S100Z: variants seen among roughly 807,000 people sequenced by gnomAD.
The protein encoded by S100Z is protein S100-Z.
S100Z carries 11 observed loss-of-function variants against 8.5 expected under a neutral mutation model. The observed-to-expected ratio is 1.30, with a 90% CI of 0.82 to 2.15. The LOEUF is 2.15. S100Z is among the 30% of genes most tolerant of loss of function. S100Z has a pLI of 0.00. For synonymous variants in S100Z, 34 were observed against 43.8 expected (o/e 0.78, Z 0.89); for missense variants, 126 against 117.9 (o/e 1.07, Z -0.32).
the S100Z span, among the ~76,000 whole-genome samples, chr5:76,936,465 T>G: frequency 6.6e-6 from 1 of 152,144 alleles, no homozygotes; most frequent in African/African-American, 2.4e-5. Flanking sequence ...TTCTTTTTTA[T>G]TTATATTTTA....
intron 4 of S100Z, among the ~76,000 whole-genome samples, chr5:76,889,318 T>A (rs1056106119): frequency 6.6e-6 from 1 of 152,246 alleles, no homozygotes; most frequent in Non-Finnish European, 1.5e-5. Flanking sequence ...AGCCCTGGTG[T>A]TCGTCCGCTC....
chr5:76,902,654 G>A (rs1434708129), intron 4 of S100Z, among the ~76,000 whole-genome samples: 1 of 148,166 alleles, frequency 6.7e-6, no homozygotes, highest in African/African-American at 2.5e-5. Flanking sequence ...TTTTGTTGTT[G>A]TTTGTTTTTT....
chr5:76,943,013 T>G, the S100Z span, among the ~76,000 whole-genome samples: 1 of 152,210 alleles, frequency 6.6e-6, no homozygotes, highest in Non-Finnish European at 1.5e-5. Flanking sequence ...GGGTGGTTCT[T>G]TTTTTTATTA....
At chr5:76,943,532 T>G in the S100Z span, among the ~76,000 whole-genome samples, 1 of 152,194 alleles carries the variant, frequency 6.6e-6, no homozygotes, top group Admixed American at 6.5e-5. Flanking sequence ...ATGTCTTCCT[T>G]TGCCCCTCCT....
chr5:76,855,965 G>A (rs1472192847), intron 1 of S100Z, among the ~76,000 whole-genome samples: 3 of 152,162 alleles, frequency 2.0e-5, no homozygotes, highest in Non-Finnish European at 4.4e-5. Context: ...CCAAGGTGCT[G>A]TTCTCATGAA....
intron 4 of S100Z, among the ~76,000 whole-genome samples, chr5:76,916,286 G>A (rs1163480779): frequency 6.6e-6 from 1 of 151,896 alleles, no homozygotes; most frequent in Non-Finnish European, 1.5e-5. Context: ...TACAAAATAT[G>A]TAAAGCAAAA....
At chr5:76,891,162 C>T (rs1053848950) in intron 4 of S100Z, among the ~76,000 whole-genome samples, 2 of 152,186 alleles carry the variant, frequency 1.3e-5, no homozygotes, top group African/African-American at 4.8e-5. Flanking sequence ...CATGCCCGGC[C>T]CCCAGTTTCT....
intron 4 of S100Z, among the ~76,000 whole-genome samples, chr5:76,881,928 GT>G (rs773404739): frequency 6.6e-5 from 10 of 152,316 alleles, no homozygotes; most frequent in Non-Finnish European, 1.0e-4. Context: ...CTTGAGAAGA[GT>G]TTTTATTAAA....
At chr5:76,941,676 G>C in the S100Z span, among the ~76,000 whole-genome samples, 1 of 152,054 alleles carries the variant, frequency 6.6e-6, no homozygotes, top group African/African-American at 2.4e-5. Flanking sequence ...TGTTTGTCAG[G>C]CTTCTCCACT....
chr5:76,881,130 A>G (rs1394616848), intron 4 of S100Z, among the ~76,000 whole-genome samples: 1 of 152,228 alleles, frequency 6.6e-6, no homozygotes, highest in Admixed American at 6.5e-5. Flanking sequence ...AAGAACTTCT[A>G]TCCACTTAAA....
intron 1 of S100Z, among the ~76,000 whole-genome samples, chr5:76,867,624 C>T (rs1029868443): frequency 1.3e-5 from 2 of 148,274 alleles, no homozygotes; most frequent in South Asian, 2.1e-4. Flanking sequence ...TGGGGTCTCA[C>T]TCTGTCTCCC....
chr5:76,888,367 ATTTTT>A (rs1171043164), intron 4 of S100Z, among the ~76,000 whole-genome samples: 2 of 45,422 alleles, frequency 4.4e-5, no homozygotes, highest in African/African-American at 1.8e-4. Context: ...AAGTGCTGGT[ATTTTT>A]TTTTTTTTTT....
chr5:76,861,812 T>C (rs1031634960), intron 1 of S100Z, among the ~76,000 whole-genome samples: 1 of 152,250 alleles, frequency 6.6e-6, no homozygotes, highest in Non-Finnish European at 1.5e-5. Context: ...TAAGCATTCA[T>C]GTTATACTTC....
At chr5:76,951,947 CT>C in the S100Z span, among the ~76,000 whole-genome samples, 1 of 152,180 alleles carries the variant, frequency 6.6e-6, no homozygotes, top group Non-Finnish European at 1.5e-5. Context: ...TATTTTAAAA[CT>C]GAAAATATAG....
At chr5:76,888,390 T>C (rs1255711306) in intron 4 of S100Z, among the ~76,000 whole-genome samples, 1 of 117,708 alleles carries the variant, frequency 8.5e-6, no homozygotes, top group Non-Finnish European at 1.8e-5. Context: ...TTTTTTTTTT[T>C]TTTGAGACAG....
chr5:76,918,179 C>T (rs1744913269), intron 4 of S100Z, among the ~76,000 whole-genome samples: 2 of 152,220 alleles, frequency 1.3e-5, no homozygotes, highest in East Asian at 1.9e-4. Context: ...TAGATATTAT[C>T]CAACTTTATT....
At chr5:76,872,317 C>T (rs1406597527) in intron 2 of S100Z, among the ~76,000 whole-genome samples, 2 of 152,126 alleles carry the variant, frequency 1.3e-5, no homozygotes, top group Non-Finnish European at 2.9e-5. Context: ...CCTCTTGAGA[C>T]AGTTCCCTGG....
At position 76,870,716 on chromosome 5, in the gene S100Z, C is replaced by T. The variant is rs1162464903; in HGVS notation, c.-57+432C>T. On this transcript the variant is annotated intron_variant, in intron 2 of 4. Transcript: ENST00000317593. Reference sequence around the variant, plus strand: ...TTGGATAGATGGTTCTGGAGCTTAGCAGACAGATCTGGGCCAAGAAATATA... The same window carrying T: ...TTGGATAGATGGTTCTGGAGCTTAGTAGACAGATCTGGGCCAAGAAATATA... Among the ~76,000 whole-genome samples, 4 of 151,908 alleles carry T rather than the reference C, an allele frequency of 2.6e-5. No individual in the cohort carries two copies. The East Asian group carries it at 7.7e-4, about 29-fold the overall frequency.
At chr5:76,880,823 C>T (rs1743379270) in intron 4 of S100Z, among the ~76,000 whole-genome samples, 1 of 152,266 alleles carries the variant, frequency 6.6e-6, no homozygotes, top group African/African-American at 2.4e-5. Flanking sequence ...CAACACTCTT[C>T]ATTTAAAAAT....
Sources: gnomAD v4.1 joint callset for allele counts (sites outside exome capture counted in the v4.1 genomes callset) on GRCh38, gnomAD v4.1.1 for gene constraint, MANE v1.5 for transcripts, NCBI Gene and HGNC (gene_info 2026-07-23, HGNC 2026-07-21) for gene names.